TFIP11: variants seen among roughly 807,000 people sequenced by gnomAD.
The protein encoded by TFIP11 is tuftelin interacting protein 11.
In TFIP11, 86 loss-of-function variants were observed where a neutral mutation model predicts 96.8. The ratio of observed to expected loss-of-function variants is 0.89; its 90% CI spans 0.75 to 1.06. TFIP11 has a LOEUF of 1.06. TFIP11 is among the 50% of genes least tolerant of loss of function. The pLI, the probability that TFIP11 is intolerant of heterozygous loss-of-function variation, is 0.00. For synonymous variants in TFIP11, 405 were observed against 395.2 expected (o/e 1.02, Z -0.29); for missense variants, 881 against 1,076.7 (o/e 0.82, Z 2.54).
intron 13 of TFIP11, 134 bp downstream of exon 13, chr22:26,494,663 A>G (rs1921691620): frequency 3.2e-6 from 4 of 1,259,262 alleles, no homozygotes; most frequent in Non-Finnish European, 4.4e-6. Flanking sequence ...TATGAAGATG[A>G]CCTAACTCAT....
Position 26,506,679 on chromosome 22 carries a change from T to G in TFIP11, c.363+96A>C. 16 of 1,510,318 alleles carry G rather than the reference T, an allele frequency of 1.1e-5. No homozygotes were observed. In the South Asian group the frequency reaches 1.8e-4, roughly 17 times the overall value. 93.6% of individuals were successfully genotyped at this position (1,510,318 alleles called of 1,614,324 possible). On this transcript the variant is annotated intron_variant, in intron 5 of 14. Transcript: ENST00000407690. ...CACCAAAAGGAGACACTCACGAAAT[T>G]CATTCCAGATGAGTTTCTCCCTGGC...
In TFIP11 at chr22:26,496,821, T is replaced by A; in HGVS notation, c.1505A>T (p.Asp502Val). ...IVTQWQPRNC[D>V]PMVDFLDSWV... is the part of the protein sequence containing the mutation. ...ACTATCCAAAAAGTCCACCATCGGGTCACAGTTCCTTGGCTGCCACTGGGT... is the reference window on the plus strand; with the variant it reads ...ACTATCCAAAAAGTCCACCATCGGGACACAGTTCCTTGGCTGCCACTGGGT... The change falls in exon 11 of 15, where the codon GAC (aspartate) becomes GTC (valine). Residue 502 changes from aspartate (D) to valine (V), a missense_variant. Asp to Val is a radical substitution (Grantham distance 152). Transcript: ENST00000407690. 2 of 1,614,130 alleles carry A rather than the reference T, an allele frequency of 1.2e-6. No homozygotes were observed. Among genetic ancestry groups the A allele is most frequent in the Non-Finnish European group, 1.7e-6 (2 of 1,180,030 alleles).
rs767949786 is a variant in TFIP11 at position 26,510,260 on chromosome 22, G to C, written c.13C>G (p.His5Asp). MSLS[H>D]LYRDGEGRID... Reference sequence around the variant, plus strand: ...CGGCCTTCCCCATCCCGGTATAAGTGGGACAATGACATGGCCAGTCACTAA... The same window carrying C: ...CGGCCTTCCCCATCCCGGTATAAGTCGGACAATGACATGGCCAGTCACTAA... The change falls in exon 4 of 15, where the codon CAC becomes GAC. Residue 5 changes from histidine to aspartate, a missense_variant. Transcript: ENST00000407690. 6.8e-6 allele frequency: 11 copies of C among 1,614,088 alleles called. No individual in the cohort carries two copies. The highest frequency in any genetic ancestry group is 9.3e-6 in the Non-Finnish European group (11 of 1,180,038).
chr22:26,500,701 A>G (rs924863123), intron 8 of TFIP11, among the ~76,000 whole-genome samples: 4 of 151,674 alleles, frequency 2.6e-5, no homozygotes, highest in Non-Finnish European at 5.9e-5. Flanking sequence ...TCTAGACTCA[A>G]TTCCTGGGAG....
rs762114447 is a variant in TFIP11 at position 26,506,923 on chromosome 22, C to T, written c.215G>A (p.Arg72His). The change falls in exon 5 of 15, where the codon CGT (arginine) becomes CAT (histidine). Residue 72 changes from arginine (R) to histidine (H), a missense_variant. Physicochemically the swap from Arg to His is conservative, Grantham distance 29. Coordinates refer to ENST00000407690, the MANE Select transcript of TFIP11 (RefSeq NM_012143.4). ...GAAGTTGACTGGCGCAGAGTAGTCA[C>T]GGGCCCTGTAGGCACAGAAACAAAG... Reference protein sequence around the residue: ...ERPSFGGKRARDYSAPVNFIS... With the variant: ...ERPSFGGKRAHDYSAPVNFIS... 10 of 1,614,048 alleles carry T rather than the reference C, an allele frequency of 6.2e-6. No individual in the cohort carries two copies. Among genetic ancestry groups the T allele is most frequent in the South Asian group, 2.2e-5 (2 of 91,074 alleles).
In TFIP11 at chr22:26,510,104, G is replaced by A. The variant is rs140252083; in HGVS notation, c.169C>T (p.Arg57Ter). 4.3e-5 allele frequency: 69 copies of A among 1,613,844 alleles called. No individual in the cohort carries two copies. The highest frequency in any genetic ancestry group is 5.3e-5 in the Non-Finnish European group (63 of 1,180,036). The part of the protein sequence containing the change: ...EEATYGVWAE[R>*]DSDDERPSFG... ...CTGGGCCTCTCATCATCCGAGTCTC[G>A]CTCTGCCCACACCCCGTAGGTGGCT... The change falls in exon 4 of 15, where the codon CGA becomes TGA. Residue 57 changes from arginine (R) to a stop codon, truncating the protein, a stop_gained. Transcript: ENST00000407690. LOFTEE classifies it high-confidence loss of function.
chr22:26,496,364 A>G (rs769273285), intron 11 of TFIP11, 48 bp from the exon 12 acceptor site: 2 of 1,550,246 alleles, frequency 1.3e-6, no homozygotes, highest in African/African-American at 2.7e-5. Context: ...TGGGGCAGTC[A>G]CATAACACCC....
intron 12 of TFIP11, among the ~76,000 whole-genome samples, chr22:26,495,260 C>CTTTTTTTTTTTT (rs150268332): frequency 1.7e-5 from 1 of 59,174 alleles, no homozygotes; most frequent in Non-Finnish European, 2.9e-5. Flanking sequence ...CAACTCCTGG[C>CTTTTTTTTTTTT]TTTTTTTTTT....
chr22:26,497,155 T>C (rs189216018), intron 10 of TFIP11, among the ~76,000 whole-genome samples: 29 of 152,310 alleles, frequency 1.9e-4, no homozygotes, highest in Admixed American at 4.6e-4. Flanking sequence ...CAAGGGCCTC[T>C]TCCCAGGTAT....
In TFIP11 at chr22:26,492,190, G is replaced by T; in HGVS notation, c.2337C>A (p.Thr779=). Residue 779 remains threonine (T), a synonymous_variant, in exon 15 of 15, where the codon ACC becomes ACA. Transcript: ENST00000407690. ...VPMNFKDLIE[T]KAEEHNIVFM... ...AGACAATGTTGTGCTCCTCAGCCTT[G>T]GTCTCAATGAGGTCCTTAAAGTTCA... is the stretch of plus-strand genomic sequence containing the variant. 6.2e-7 allele frequency: 1 copy of T among 1,614,206 alleles called. No homozygotes were observed. The highest frequency in any genetic ancestry group is 8.5e-7 in the Non-Finnish European group (1 of 1,180,032).
chr22:26,504,678 G>C (rs1010926859), intron 6 of TFIP11, among the ~76,000 whole-genome samples: 1 of 152,052 alleles, frequency 6.6e-6, no homozygotes, highest in South Asian at 2.1e-4. Context: ...TCAAAAAAAA[G>C]CAAAAAAACT....
In TFIP11 at chr22:26,494,788, A is replaced by G; in HGVS notation, c.1992+9T>C. 1.2e-6 allele frequency: 2 copies of G among 1,614,152 alleles called. No homozygotes were observed. The highest frequency in any genetic ancestry group is 1.7e-6 in the Non-Finnish European group (2 of 1,180,008). The stretch of plus-strand genomic sequence containing the variant: ...CCTCCCCCAGAAATCCAAGCAAAAC[A>G]AAGTGTACCTGAAGCCACTTGGGGA... On this transcript the variant is annotated intron_variant, in intron 13 of 14. Coordinates refer to ENST00000407690, the MANE Select transcript of TFIP11 (RefSeq NM_012143.4).
At chr22:26,499,706 C>A (rs1413026204) in intron 8 of TFIP11, 75 bp from the exon 9 acceptor site, 1 of 1,457,062 alleles carries the variant, frequency 6.9e-7, no homozygotes, top group Non-Finnish European at 9.3e-7. Context: ...CAGGGGAAGG[C>A]CCCATGACAG....
rs1290554925 is a variant in TFIP11 at position 26,492,169 on chromosome 22, A to G, written c.2358T>C (p.Ile786=). 1.9e-6 allele frequency: 3 copies of G among 1,614,066 alleles called. No individual in the cohort carries two copies. The African/African-American group carries it at 4.0e-5, about 22-fold the overall frequency. Residue 786 remains isoleucine (I), a synonymous_variant, in exon 15 of 15, where the codon ATT becomes ATC. Transcript: ENST00000407690. ...LIETKAEEHN[I]VFMPVIGKRH... is the part of the protein sequence containing the mutation. ...GCTTCCCAATGACGGGCATGAAGACAATGTTGTGCTCCTCAGCCTTGGTCT... is the reference window on the plus strand; with the variant it reads ...GCTTCCCAATGACGGGCATGAAGACGATGTTGTGCTCCTCAGCCTTGGTCT...
In TFIP11 at chr22:26,506,413, T is replaced by C. The variant is rs747170866; in HGVS notation, c.410A>G (p.Lys137Arg). Residue 137 changes from lysine to arginine, a missense_variant, in exon 6 of 15, where the codon AAA (lysine) becomes AGA (arginine). Transcript: ENST00000407690. ...CCAGCTGCCGAAGTCCATGAAAGAT[T>C]TGGTTCCTCCTGCAAAACCTTTCTG... ...PSQKGFAGGTKSFMDFGSWER... is the reference protein window; with the variant it reads ...PSQKGFAGGTRSFMDFGSWER... The C allele has an allele frequency of 1.2e-6, 2 of 1,614,044 alleles. No individual in the cohort carries two copies. The highest frequency in any genetic ancestry group is 1.1e-5 in the South Asian group (1 of 91,036).
Position 26,496,707 on chromosome 22 carries a change from G to T in TFIP11, c.1605+14C>A, listed in dbSNP as rs752540325. On this transcript the variant is annotated intron_variant, in intron 11 of 14. Transcript: ENST00000407690. ...ATTAGTGATGACGACTGTTTCCCAT[G>T]ACTCTCATCCCACCTCCTTTTGCAG... 4 of 1,611,770 alleles carry T rather than the reference G, an allele frequency of 2.5e-6. No homozygotes were observed. The highest frequency in any genetic ancestry group is 3.4e-6 in the Non-Finnish European group (4 of 1,178,136).
At position 26,494,795 on chromosome 22, in the gene TFIP11, A is replaced by G. The variant is rs1334358043; in HGVS notation, c.1992+2T>C. On this transcript the variant is annotated splice_donor_variant, in intron 13 of 14. Transcript: ENST00000407690. LOFTEE classifies it high-confidence loss of function. Reference sequence around the variant, plus strand: ...CAGAAATCCAAGCAAAACAAAGTGTACCTGAAGCCACTTGGGGAAGAAGTG... The same window carrying G: ...CAGAAATCCAAGCAAAACAAAGTGTGCCTGAAGCCACTTGGGGAAGAAGTG... The G allele has an allele frequency of 2.5e-6, 4 of 1,614,200 alleles. No homozygotes were observed. Among genetic ancestry groups the G allele is most frequent in the Non-Finnish European group, 3.4e-6 (4 of 1,180,020 alleles).
At position 26,510,138 on chromosome 22, in the gene TFIP11, G is replaced by A. The variant is rs371489004; in HGVS notation, c.135C>T (p.Thr45=). ...FNPNRQRHWQ[T]KEEATYGVWA... ...ACACCCCGTAGGTGGCTTCTTCCTT[G>A]GTCTGCCAGTGGCGCTGTCGGTTGG... The change falls in exon 4 of 15, where the codon ACC becomes ACT. Residue 45 remains threonine, a synonymous_variant. Coordinates refer to ENST00000407690, the MANE Select transcript of TFIP11 (RefSeq NM_012143.4). 1.2e-6 allele frequency: 2 copies of A among 1,614,022 alleles called. No individual in the cohort carries two copies. Among genetic ancestry groups the A allele is most frequent in the African/African-American group, 2.7e-5 (2 of 74,894 alleles).
chr22:26,492,016 C>A lies in TFIP11; in HGVS notation c.2511G>T (p.Lys837Asn). ...CTGGTTCTGGACCTGCCACAGTTCA[C>A]TTGGCCATGTCGATCAGGCTCTGCA... is the stretch of plus-strand genomic sequence containing the variant. Reference protein sequence around the residue: ...TSLQSLIDMAK With the variant: ...TSLQSLIDMAN Residue 837 changes from lysine to asparagine, a missense_variant, in exon 15 of 15, where the codon AAG (lysine) becomes AAT (asparagine). Transcript: ENST00000407690. 6.3e-7 allele frequency: 1 copy of A among 1,591,970 alleles called. No homozygotes were observed. The highest frequency in any genetic ancestry group is 8.6e-7 in the Non-Finnish European group (1 of 1,169,150).
Sources: gnomAD v4.1 joint callset for allele counts (sites outside exome capture counted in the v4.1 genomes callset) on GRCh38, gnomAD v4.1.1 for gene constraint, MANE v1.5 for transcripts, NCBI Gene and HGNC (gene_info 2026-07-23, HGNC 2026-07-21) for gene names.